Variants in F5 observed in about 807,000 individuals in gnomAD.
F5 encodes coagulation factor V, also known as activated protein c cofactor.
Under a neutral mutation model 216.4 loss-of-function variants are expected in F5, and 138 were observed. The ratio of observed to expected loss-of-function variants is 0.64; its 90% CI spans 0.56 to 0.73. The LOEUF is 0.73. F5 is among the 30% of genes least tolerant of loss of function. The pLI is 0.00. For synonymous variants in F5, 916 were observed against 930.7 expected (o/e 0.98, Z 0.29); for missense variants, 2,403 against 2,674.0 (o/e 0.90, Z 2.24).
intron 2 of F5, among the ~76,000 whole-genome samples, chr1:169,576,254 A>G (rs1358542978): frequency 6.6e-6 from 1 of 152,158 alleles, no homozygotes; most frequent in African/African-American, 2.4e-5. Flanking sequence ...TACAGAAGCA[A>G]TGGTAAACTC....
rs1475240474 is a variant in F5 at position 169,518,400 on chromosome 1, A to C, written c.6345+12T>G. 1.9e-6 allele frequency: 3 copies of C among 1,613,372 alleles called. No homozygotes were observed. Among genetic ancestry groups the C allele is most frequent in the African/African-American group, 1.3e-5 (1 of 74,814 alleles). On this transcript the variant is annotated intron_variant, in intron 23 of 24. Coordinates refer to ENST00000367797, the MANE Select transcript of F5 (RefSeq NM_000130.5). ...AGCCCTAAGAGAACACCATGCATAG[A>C]GTATACTTGACCTTGGCTTGCCAGG...
In F5 at chr1:169,546,449, G is replaced by A; in HGVS notation, c.1755C>T (p.Ile585=). The stretch of plus-strand genomic sequence containing the variant: ...AATAGTACTCTGACTTACTGCTCAT[G>A]ATGTTTGATTCATAAAACTTGGGGT... ...RDDPKFYESN[I]MSTINGYVPE... The change falls in exon 11 of 25, where the codon ATC becomes ATT. Residue 585 remains isoleucine, a synonymous_variant. Transcript: ENST00000367797. 3.1e-6 allele frequency: 5 copies of A among 1,614,086 alleles called. No individual in the cohort carries two copies. Among genetic ancestry groups the A allele is most frequent in the Non-Finnish European group, 4.2e-6 (5 of 1,179,982 alleles).
chr1:169,555,470 C>G, intron 6 of F5, 123 bp from the exon 7 acceptor site: 1 of 1,080,388 alleles, frequency 9.3e-7, no homozygotes, highest in Non-Finnish European at 1.4e-6. Context: ...GAAAGTAATG[C>G]TCAGGCAATT....
At chr1:169,521,199 C>A (rs1659296084) in intron 21 of F5, among the ~76,000 whole-genome samples, 1 of 152,186 alleles carries the variant, frequency 6.6e-6, no homozygotes, top group Non-Finnish European at 1.5e-5. Context: ...CCCTCCCCAA[C>A]CCACAACAGC....
At position 169,529,668 on chromosome 1, in the gene F5, T is replaced by C. The variant is rs1335482208; in HGVS notation, c.5359A>G (p.Lys1787Glu). 6.2e-7 allele frequency: 1 copy of C among 1,613,910 alleles called. No homozygotes were observed. The highest frequency in any genetic ancestry group is 1.7e-5 in the Admixed American group (1 of 60,002). The change falls in exon 16 of 25, where the codon AAG becomes GAG. Residue 1787 changes from lysine to glutamate, a missense_variant. By Grantham distance (56) the Lys-to-Glu change is moderately conservative. This residue lies in a region of F5 where 659 missense variants were observed against 787.9 expected (regional missense o/e 0.84). Transcript: ENST00000367797. ...GTGAGTCTCCAAGAACTTCGGGACT[T>C]CTTTTCATAGTACCAGCTCTTCTTT... ...DEKKSWYYEKKSRSSWRLTSS... is the reference protein window; with the variant it reads ...DEKKSWYYEKESRSSWRLTSS...
intron 15 of F5, among the ~76,000 whole-genome samples, 173 bp downstream of exon 15, chr1:169,530,613 C>T (rs928054309): frequency 2.6e-5 from 4 of 152,218 alleles, no homozygotes; most frequent in Non-Finnish European, 4.4e-5. Flanking sequence ...ATCTGAAGAG[C>T]TGCATGGAGA....
chr1:169,552,725 C>A lies in F5; in HGVS notation c.1128G>T (p.Arg376Ser), dbSNP rs373172802. The stretch of plus-strand genomic sequence containing the variant: ...TTGAGAAATTATCCAAATGCTGAGA[C>A]CTGTATTTTCTTAAAGTGAAGTAAA... ...VIPANMDKKY[R>S]SQHLDNFSNQ... The change falls in exon 8 of 25, where the codon AGG (arginine) becomes AGT (serine). Residue 376 changes from arginine (R) to serine (S), a missense_variant. By Grantham distance (110) the Arg-to-Ser change is moderately radical (BLOSUM62 -1). Coordinates refer to ENST00000367797, the MANE Select transcript of F5 (RefSeq NM_000130.5). 140 of 1,609,612 alleles carry A rather than the reference C, an allele frequency of 8.7e-5. No homozygotes were observed. The highest frequency in any genetic ancestry group is 4.2e-4 in the Middle Eastern group (2 of 4,794).
chr1:169,547,222 C>T (rs981160503), intron 10 of F5, among the ~76,000 whole-genome samples: 3 of 151,944 alleles, frequency 2.0e-5, no homozygotes, highest in Non-Finnish European at 4.4e-5. Context: ...AACGTAAAAC[C>T]CCAAACTACA....
chr1:169,577,744 C>T (rs1228873714), intron 2 of F5, among the ~76,000 whole-genome samples: 2 of 151,312 alleles, frequency 1.3e-5, no homozygotes, highest in Non-Finnish European at 2.9e-5. Context: ...CCAGCCAAGA[C>T]TAGCCATTTT....
chr1:169,560,843 A>G, intron 3 of F5, 77 bp from the exon 4 acceptor site: 2 of 1,270,952 alleles, frequency 1.6e-6, no homozygotes, highest in South Asian at 1.2e-5. Context: ...ATCTGGGGAT[A>G]GCTAAGATGA....
In F5 at chr1:169,530,993, C is replaced by T. The variant is rs747456938; in HGVS notation, c.5001G>A (p.Pro1667=). 2.2e-5 allele frequency: 36 copies of T among 1,612,968 alleles called. No individual in the cohort carries two copies. Among genetic ancestry groups the T allele is most frequent in the East Asian group, 4.5e-5 (2 of 44,888 alleles). ...AAAGTCCATGGGCATGTAGAGAATA[C>T]GGTCTGGATGCTAAATTTTTAAAAC... ...QVRFKNLASR[P]YSLHAHGLSY... Residue 1667 remains proline (P), a synonymous_variant, in exon 15 of 25, where the codon CCG becomes CCA. Transcript: ENST00000367797.
chr1:169,541,348 T>A lies in F5; in HGVS notation c.3742A>T (p.Thr1248Ser), dbSNP rs768379958. 6.2e-7 allele frequency: 1 copy of A among 1,609,190 alleles called. No individual in the cohort carries two copies. The highest frequency in any genetic ancestry group is 1.1e-5 in the South Asian group (1 of 90,818). ...GTCTGGCTGAGGTCTAAAGAAAGGG[T>A]TGTATGGCTGAGGTCTGGAGAAAGG... ...TTLSPDLSHT[T>S]LSLDLSQTNL... Residue 1248 changes from threonine (T) to serine (S), a missense_variant, in exon 13 of 25, where the codon ACC (threonine) becomes TCC (serine). Thr to Ser is a moderately conservative substitution (Grantham distance 58). Around this residue, in one of 4 missense-constraint regions of F5, gnomAD observed 1,425 missense variants for 1,554.8 expected, o/e 0.92. Transcript: ENST00000367797.
Position 169,572,952 on chromosome 1 carries a change from C to T in F5, c.251-609G>A, listed in dbSNP as rs200860206. ...AATGGGACATCACTGGAGCATTTTT[C>T]TTTTTTTTTTTGAGATGGAGTCTCG... is the stretch of plus-strand genomic sequence containing the variant. On this transcript the variant is annotated intron_variant, in intron 2 of 24. Transcript: ENST00000367797. Among the ~76,000 whole-genome samples, 171 of 89,530 alleles carry T rather than the reference C, an allele frequency of 1.9e-3. 2 individuals carry two copies. The highest frequency in any genetic ancestry group is 2.8e-3 in the African/African-American group (90 of 32,056). 58.7% of individuals were successfully genotyped at this position (89,530 alleles called of 152,430 possible).
intron 13 of F5, among the ~76,000 whole-genome samples, chr1:169,539,776 A>G (rs1052506065): frequency 4.6e-5 from 7 of 152,164 alleles, no homozygotes; most frequent in African/African-American, 1.7e-4. Flanking sequence ...CTGTATCTTC[A>G]TCCCAGAACA....
At chr1:169,550,132 TA>T (rs1290908241) in intron 9 of F5, 117 bp from the exon 10 acceptor site, 7 of 842,372 alleles carry the variant, frequency 8.3e-6, no homozygotes, top group East Asian at 2.7e-5. Flanking sequence ...CTTTTATTTT[TA>T]TTTTTTTTAA....
At position 169,555,267 on chromosome 1, in the gene F5, G is replaced by T; in HGVS notation, c.1033C>A (p.Arg345=). 6.2e-7 allele frequency: 1 copy of T among 1,614,008 alleles called. No individual in the cohort carries two copies. The highest frequency in any genetic ancestry group is 8.5e-7 in the Non-Finnish European group (1 of 1,179,976). ...NLKKITREQR[R]HMKRWEYFIA... ...AAGTATTCCCACCTCTTCATGTGCCGCCTCTGCTCACGAGTTATTTTCTTA... is the reference window on the plus strand; with the variant it reads ...AAGTATTCCCACCTCTTCATGTGCCTCCTCTGCTCACGAGTTATTTTCTTA... Residue 345 remains arginine (R), a synonymous_variant, in exon 7 of 25, where the codon CGG becomes AGG. Transcript: ENST00000367797.
chr1:169,536,818 T>C (rs1659715465), intron 13 of F5, 138 bp from the exon 14 acceptor site: 11 of 649,710 alleles, frequency 1.7e-5, no homozygotes. Flanking sequence ...TGAGTAAATA[T>C]ATAAGTGGAT....
chr1:169,574,971 A>G (rs930418558), intron 2 of F5, among the ~76,000 whole-genome samples: 1 of 152,228 alleles, frequency 6.6e-6, no homozygotes, highest in Non-Finnish European at 1.5e-5. Flanking sequence ...AAAGTCAAAC[A>G]TTTTTATAGT....
intron 18 of F5, among the ~76,000 whole-genome samples, chr1:169,525,262 C>T (rs2301518): frequency 0.087 from 13,278 of 151,924 alleles, 782 homozygotes; most frequent in Non-Finnish European, 0.11. Context: ...TCTGGGAGGC[C>T]GAGGGGGGAG....
Sources: gnomAD v4.1 joint callset for allele counts (sites outside exome capture counted in the v4.1 genomes callset) on GRCh38, gnomAD v4.1.1 for gene constraint, gnomAD v4.1.1 regional missense constraint, MANE v1.5 for transcripts, NCBI Gene and HGNC (gene_info 2026-07-23, HGNC 2026-07-21) for gene names.